The following PPP2R2C variants were observed in gnomAD, a reference collection of about 807,000 sequenced individuals.
PPP2R2C encodes the protein protein phosphatase 2, regulatory subunit B, gamma.
A neutral mutation model predicts 45.3 loss-of-function variants in PPP2R2C; 10 were observed. That is an observed-to-expected ratio of 0.22 (90% CI 0.14 to 0.37). PPP2R2C has a LOEUF of 0.37. Ranked by LOEUF, PPP2R2C falls within the 10% of genes least tolerant of loss-of-function variation. The probability of loss-of-function intolerance (pLI) is 1.00; values close to 1 mark genes in which losing one functional copy is unlikely to be tolerated. For missense variants in PPP2R2C, 308 were observed against 619.7 expected (o/e 0.50, Z 5.34); for synonymous variants, 257 against 245.4 (o/e 1.05, Z -0.44).
At chr4:6,443,089 T>C (rs7675289) in intron 1 of PPP2R2C, among the ~76,000 whole-genome samples, 27,762 of 152,110 alleles carry the variant, frequency 0.18, 3,903 homozygotes, top group East Asian at 0.41. Flanking sequence ...CCCAGGAACC[T>C]GGGAGAACCA....
intron 1 of PPP2R2C, among the ~76,000 whole-genome samples, chr4:6,448,977 G>C (rs1684822033): frequency 6.6e-6 from 1 of 152,182 alleles, no homozygotes; most frequent in Admixed American, 6.5e-5. Flanking sequence ...GTTCCTTTGG[G>C]ACCCAGGCCA....
intron 2 of PPP2R2C, among the ~76,000 whole-genome samples, chr4:6,510,994 C>CAAAAAAAAA (rs200316130): frequency 3.0e-5 from 1 of 33,226 alleles, no homozygotes; most frequent in East Asian, 7.9e-4. Context: ...AAAAAACAAA[C>CAAAAAAAAA]AAACAAAAAA....
intron 2 of PPP2R2C, among the ~76,000 whole-genome samples, chr4:6,484,206 T>C (rs921505197): frequency 6.6e-5 from 10 of 152,020 alleles, no homozygotes; most frequent in African/African-American, 2.4e-4. Flanking sequence ...TCTACACATA[T>C]ACAATTGTTT....
chr4:6,520,817 T>A (rs1306695252), intron 2 of PPP2R2C, among the ~76,000 whole-genome samples: 1 of 152,208 alleles, frequency 6.6e-6, no homozygotes, highest in Non-Finnish European at 1.5e-5. Flanking sequence ...TCACAGATTC[T>A]TCCCAGCAAC....
chr4:6,455,965 T>C (rs59343314), intron 1 of PPP2R2C, among the ~76,000 whole-genome samples: 53,609 of 151,204 alleles, frequency 0.35, 10,370 homozygotes, highest in Non-Finnish European at 0.45. Context: ...CCATCTGTTA[T>C]GTCTCCCTCA....
At chr4:6,411,374 G>A (rs1056916542) in intron 1 of PPP2R2C, among the ~76,000 whole-genome samples, 7 of 152,024 alleles carry the variant, frequency 4.6e-5, no homozygotes, top group African/African-American at 1.7e-4. Flanking sequence ...ATGGCGTGAC[G>A]CTCCCAGCCC....
chr4:6,389,823 C>G (rs1384546300), intron 1 of PPP2R2C, among the ~76,000 whole-genome samples: 2 of 152,230 alleles, frequency 1.3e-5, no homozygotes, highest in East Asian at 1.9e-4. Context: ...GAGAAGACAA[C>G]TTGCCAACAG....
chr4:6,423,694 G>C (rs1719113109), intron 1 of PPP2R2C, among the ~76,000 whole-genome samples: 1 of 152,202 alleles, frequency 6.6e-6, no homozygotes, highest in South Asian at 2.1e-4. Context: ...TTTTTGATAA[G>C]CTGAGGAGGA....
Position 6,507,057 on chromosome 4 carries a change from C to T in PPP2R2C, c.49+28214G>A, listed in dbSNP as rs530317215. 5.9e-5 allele frequency among the ~76,000 whole-genome samples: 9 copies of T among 152,244 alleles called. No individual in the cohort carries two copies. The South Asian group carries it at 1.0e-3, about 18-fold the overall frequency. ...AGGATCAAGGATGACTCCTAGGTGT[C>T]GGGCCTGCAGAACTAAGATAGGAAA... On this transcript the variant is annotated intron_variant, in intron 2 of 9. Coordinates refer to the PPP2R2C transcript ENST00000506140.
rs1473484360 is a variant in PPP2R2C, at chr4:6,324,352, A to C, written c.1053-759T>G. 6.6e-6 allele frequency among the ~76,000 whole-genome samples: 1 copy of C among 152,158 alleles called. No individual in the cohort carries two copies. Among genetic ancestry groups the C allele is most frequent in the Non-Finnish European group, 1.5e-5 (1 of 68,012 alleles). ...GAGGCTGAGGCAGGAGAGTTGCTTG[A>C]ATCCAGGAGGCAAGGTTGTAGTGAG... On this transcript the variant is annotated intron_variant, in intron 8 of 8. Transcript: ENST00000382599. This position sits in a 1 kb window ranked among gnomAD's most constrained non-coding sequence, Gnocchi z 4.1.
chr4:6,467,598 A>G lies in PPP2R2C; in HGVS notation c.70+4562T>C, dbSNP rs73796214. On this transcript the variant is annotated intron_variant, in intron 1 of 8. Coordinates refer to ENST00000382599, the MANE Select transcript of PPP2R2C (RefSeq NM_020416.4). ...GTTCTCAAAACAGAAAGCAAACAAAAATCCCTCTGGGTTTTATGTATCTCG... is the reference window on the plus strand; with the variant it reads ...GTTCTCAAAACAGAAAGCAAACAAAGATCCCTCTGGGTTTTATGTATCTCG... 4.2e-3 allele frequency among the ~76,000 whole-genome samples: 640 copies of G among 152,180 alleles called. 9 individuals are homozygous for G. The highest frequency in any genetic ancestry group is 0.014 in the African/African-American group (591 of 41,518).
intron 1 of PPP2R2C, among the ~76,000 whole-genome samples, chr4:6,543,093 C>G (rs1010560891): frequency 1.3e-5 from 2 of 152,188 alleles, no homozygotes; most frequent in African/African-American, 4.8e-5. Context: ...GGGGTGCTGT[C>G]AGGAGACACC....
At chr4:6,393,001 C>T (rs933518557) in intron 1 of PPP2R2C, among the ~76,000 whole-genome samples, 5 of 152,178 alleles carry the variant, frequency 3.3e-5, no homozygotes, top group African/African-American at 7.2e-5. Flanking sequence ...TGAGGAAAGG[C>T]GTTGCATCAT....
intron 1 of PPP2R2C, among the ~76,000 whole-genome samples, chr4:6,396,665 C>A (rs1296163723): frequency 6.6e-6 from 1 of 152,208 alleles, no homozygotes; most frequent in Non-Finnish European, 1.5e-5. Context: ...GTTGATGATG[C>A]CTTAAGGTGT....
At chr4:6,490,563 A>T (rs1001872048) in intron 2 of PPP2R2C, among the ~76,000 whole-genome samples, 1 of 152,214 alleles carries the variant, frequency 6.6e-6, no homozygotes, top group Non-Finnish European at 1.5e-5. Flanking sequence ...CCTGAGAAAC[A>T]GATGGACAGG....
At chr4:6,430,366 G>A (rs968432413) in intron 1 of PPP2R2C, among the ~76,000 whole-genome samples, 4 of 152,204 alleles carry the variant, frequency 2.6e-5, no homozygotes, top group African/African-American at 4.8e-5. Context: ...CAGAGTCCAT[G>A]TCTTCTCTGA....
intron 2 of PPP2R2C, among the ~76,000 whole-genome samples, chr4:6,497,145 C>T (rs1722906589): frequency 6.6e-6 from 1 of 152,112 alleles, no homozygotes; most frequent in Non-Finnish European, 1.5e-5. Context: ...ACTGAGGAAA[C>T]AGCACCATGA....
intron 2 of PPP2R2C, among the ~76,000 whole-genome samples, chr4:6,530,627 A>G (rs1470048752): frequency 6.6e-6 from 1 of 152,050 alleles, no homozygotes; most frequent in African/African-American, 2.4e-5. Context: ...CTGGGCTGGG[A>G]CCCTGGCCCC....
chr4:6,496,127 G>A (rs2108790111), intron 2 of PPP2R2C, among the ~76,000 whole-genome samples: 1 of 152,286 alleles, frequency 6.6e-6, no homozygotes, highest in African/African-American at 2.4e-5. Flanking sequence ...GCAAAACCAG[G>A]ACAATCTCGT....
Sources: gnomAD v4.1 joint callset for allele counts (sites outside exome capture counted in the v4.1 genomes callset) on GRCh38, gnomAD v4.1.1 for gene constraint, Gnocchi (gnomAD v3.1) non-coding constraint, MANE v1.5 for transcripts, NCBI Gene and HGNC (gene_info 2026-07-23, HGNC 2026-07-21) for gene names.